Variants in THBS4 observed in about 807,000 individuals in gnomAD.
The protein encoded by THBS4 is thrombospondin 4.
Under a neutral mutation model 115.7 loss-of-function variants are expected in THBS4, and 90 were observed. That is an observed-to-expected ratio of 0.78 (90% CI 0.66 to 0.93). THBS4 has a LOEUF of 0.93. THBS4 is among the 40% of genes least tolerant of loss of function. THBS4 has a pLI of 0.00. For missense variants in THBS4, 1,087 were observed against 1,232.7 expected (o/e 0.88, Z 1.77); for synonymous variants, 460 against 479.3 (o/e 0.96, Z 0.53).
intron 2 of THBS4, among the ~76,000 whole-genome samples, chr5:80,050,786 C>T (rs540305173): frequency 3.9e-5 from 6 of 152,280 alleles, no homozygotes; most frequent in East Asian, 3.9e-4. Context: ...GGCCTGTGCC[C>T]GGGAATGAAC....
chr5:79,997,363 A>G (rs567713206), intron 1 of THBS4, among the ~76,000 whole-genome samples: 2 of 152,250 alleles, frequency 1.3e-5, no homozygotes, highest in African/African-American at 4.8e-5. Context: ...AACATTGATC[A>G]GGAAAAAAAA....
chr5:80,005,103 T>G lies in THBS4; in HGVS notation n.177+6676T>G, dbSNP rs867481450. Among the ~76,000 whole-genome samples the G allele has an allele frequency of 8.5e-5, 13 of 152,292 alleles. No individual in the cohort carries two copies. In the Middle Eastern group the frequency reaches 0.017, roughly 199 times the overall value. On this transcript the variant is annotated intron_variant and non_coding_transcript_variant, in intron 2 of 3. Transcript: ENST00000510218. ...ATAATAAGAGCTCAGAAAATGACAGTAATTAAACAAAGGTCACACGGAAAA... is the reference window on the plus strand; with the variant it reads ...ATAATAAGAGCTCAGAAAATGACAGGAATTAAACAAAGGTCACACGGAAAA...
chr5:80,009,170 G>A (rs1193673202), intron 2 of THBS4, among the ~76,000 whole-genome samples: 1 of 152,178 alleles, frequency 6.6e-6, no homozygotes, highest in East Asian at 1.9e-4. Flanking sequence ...GGCTTTGAAA[G>A]AACAGTTAGT....
At chr5:79,991,820 A>G (rs1308448400) in intron 1 of THBS4, among the ~76,000 whole-genome samples, 1 of 152,156 alleles carries the variant, frequency 6.6e-6, no homozygotes, top group Non-Finnish European at 1.5e-5. Flanking sequence ...GCTCCCTCAA[A>G]AATGAGCTTA....
chr5:80,074,628 T>C (rs570164332), intron 15 of THBS4, among the ~76,000 whole-genome samples: 4 of 127,124 alleles, frequency 3.1e-5, no homozygotes, highest in Admixed American at 8.0e-5. Flanking sequence ...CTCTCTCTCT[T>C]TTTTTTTTTT....
chr5:80,061,562 C>A (rs1833635130), intron 7 of THBS4, 133 bp from the exon 8 acceptor site: 2 of 1,227,872 alleles, frequency 1.6e-6, no homozygotes, highest in Non-Finnish European at 2.2e-6. Flanking sequence ...GAGTTGGAAG[C>A]CTTTATTTCC....
intron 2 of THBS4, among the ~76,000 whole-genome samples, chr5:80,007,347 T>G (rs1435007059): frequency 6.6e-6 from 1 of 152,246 alleles, no homozygotes; most frequent in Non-Finnish European, 1.5e-5. Flanking sequence ...CAGCTCCTAC[T>G]TGTCCCAGCC....
chr5:80,069,272 A>G (rs1273134797), intron 10 of THBS4, among the ~76,000 whole-genome samples: 1 of 152,254 alleles, frequency 6.6e-6, no homozygotes, highest in East Asian at 1.9e-4. Context: ...AGGAAAAATA[A>G]GAGTCAAAAA....
chr5:80,071,604 G>A (rs1834058232), intron 13 of THBS4: 1 of 162,374 alleles, frequency 6.2e-6, no homozygotes, highest in Admixed American at 6.2e-5. Context: ...TCCCATTGTG[G>A]GCCCTTGAAG....
At chr5:80,040,318 C>G in intron 2 of THBS4, 38 bp downstream of exon 2, 2 of 1,516,754 alleles carry the variant, frequency 1.3e-6, no homozygotes, top group Non-Finnish European at 1.8e-6. Context: ...TTAAAAATCT[C>G]CTTTTTCTAT....
intron 2 of THBS4, among the ~76,000 whole-genome samples, chr5:80,015,217 C>G (rs769571655): frequency 3.9e-5 from 6 of 152,124 alleles, no homozygotes; most frequent in African/African-American, 9.7e-5. Context: ...AATAAATATC[C>G]AGTTAGGGGA....
intron 2 of THBS4, among the ~76,000 whole-genome samples, chr5:79,998,720 G>T (rs1319055530): frequency 6.6e-6 from 1 of 152,170 alleles, no homozygotes; most frequent in Non-Finnish European, 1.5e-5. Flanking sequence ...ATTGAAATTA[G>T]ATGTTTTTAA....
At chr5:80,066,981 G>A (rs1833851188) in intron 9 of THBS4, 1 of 152,168 alleles carries the variant, frequency 6.6e-6, no homozygotes, top group African/African-American at 2.4e-5. Context: ...GCAACTAAGA[G>A]GTTGTGAGTG....
chr5:80,033,284 C>G (rs528283222), upstream of THBS4: 3 of 345,298 alleles, frequency 8.7e-6, no homozygotes, highest in Non-Finnish European at 5.9e-6. Context: ...TCCAGCAGCA[C>G]GTGGTGCATT....
intron 2 of THBS4, among the ~76,000 whole-genome samples, chr5:80,020,667 A>G (rs1440771946): frequency 1.3e-5 from 2 of 152,136 alleles, no homozygotes; most frequent in African/African-American, 2.4e-5. Flanking sequence ...AGGCAGCTGA[A>G]TGAGGAAAGA....
intron 2 of THBS4, among the ~76,000 whole-genome samples, chr5:80,004,318 G>A (rs967858779): frequency 3.3e-5 from 5 of 152,212 alleles, no homozygotes; most frequent in African/African-American, 1.2e-4. Context: ...AGTGGGACCA[G>A]CACCACATTG....
rs1203592686 is a variant in THBS4, at chr5:80,040,289, A to G, written c.292+9A>G. ...GGGACGCTTAAACAAAGGTAAGCAA[A>G]TTTGCTGAAATTATTTTCTTAAAAA... On this transcript the variant is annotated intron_variant, in intron 2 of 21. Transcript: ENST00000350881. The G allele has an allele frequency of 1.9e-6, 3 of 1,600,206 alleles. No homozygotes were observed. The highest frequency in any genetic ancestry group is 2.6e-6 in the Non-Finnish European group (3 of 1,170,512).
rs1743241854 is a variant in THBS4, at chr5:80,076,854, G to A, written c.1893-1G>A. ...CACATCACCTGTCCTTTCTCCTGCA[G>A]TGATGGAGATGGGCACCAGGACAGC... On this transcript the variant is annotated splice_acceptor_variant, in intron 15 of 21. Coordinates refer to ENST00000350881, the MANE Select transcript of THBS4 (RefSeq NM_003248.6). LOFTEE classifies it high-confidence loss of function. The A allele has an allele frequency of 1.3e-6, 2 of 1,577,314 alleles. No homozygotes were observed. Among genetic ancestry groups the A allele is most frequent in the Admixed American group, 1.8e-5 (1 of 57,082 alleles).
chr5:80,068,193 T>C (rs1833906154), intron 10 of THBS4, 68 bp downstream of exon 10: 2 of 1,574,998 alleles, frequency 1.3e-6, no homozygotes, highest in African/African-American at 1.4e-5. Flanking sequence ...CTCTCCAGTT[T>C]CTATGTGCTT....
Sources: allele counts gnomAD v4.1 joint callset (sites outside exome capture counted in the v4.1 genomes callset), GRCh38; gene constraint gnomAD v4.1.1; transcripts MANE v1.5; gene names NCBI Gene and HGNC (gene_info 2026-07-23, HGNC 2026-07-21).